The following AKAP13 variants were observed in gnomAD, a reference collection of about 807,000 sequenced individuals.
The protein encoded by AKAP13 is A-kinase anchoring protein 13.
A neutral mutation model predicts 264.5 loss-of-function variants in AKAP13; 80 were observed. The ratio of observed to expected loss-of-function variants is 0.30; its 90% confidence interval spans 0.25 to 0.36. AKAP13 has a LOEUF of 0.36. Ranked by LOEUF, AKAP13 falls within the 10% of genes least tolerant of loss-of-function variation. The pLI, the probability that AKAP13 is intolerant of heterozygous loss-of-function variation, is 1.00. For synonymous variants in AKAP13, 1,380 were observed against 1,250.2 expected (o/e 1.10, Z -2.19); for missense variants, 3,712 against 3,435.2 (o/e 1.08, Z -2.01).
At chr15:85,630,040 T>C (rs1425048664) in intron 8 of AKAP13, among the ~76,000 whole-genome samples, 6 of 151,858 alleles carry the variant, frequency 4.0e-5, no homozygotes, top group Admixed American at 3.9e-4. Context: ...GTAACTTCTT[T>C]TTGTTTTGTA....
At chr15:85,411,679 C>A (rs890844514) in intron 1 of AKAP13, among the ~76,000 whole-genome samples, 1 of 152,146 alleles carries the variant, frequency 6.6e-6, no homozygotes, top group Non-Finnish European at 1.5e-5. Context: ...CCTCGTGATC[C>A]GCCTGCCTCG....
chr15:85,692,790 T>A (rs1171954521), intron 16 of AKAP13, among the ~76,000 whole-genome samples: 1 of 152,236 alleles, frequency 6.6e-6, no homozygotes, highest in Non-Finnish European at 1.5e-5. Flanking sequence ...ATGCAATTGA[T>A]GTGAGAAAGA....
chr15:85,494,237 A>C (rs915789655), intron 2 of AKAP13, among the ~76,000 whole-genome samples: 1 of 152,156 alleles, frequency 6.6e-6, no homozygotes, highest in Non-Finnish European at 1.5e-5. Flanking sequence ...GGATCTAGCA[A>C]CCTAGCAACT....
chr15:85,738,174 G>C (rs1203771462), intron 33 of AKAP13, among the ~76,000 whole-genome samples: 1 of 151,902 alleles, frequency 6.6e-6, no homozygotes, highest in Non-Finnish European at 1.5e-5. Context: ...GAGGTGGGTG[G>C]ATCACTTGAG....
At chr15:85,418,621 T>C (rs1378591631) in intron 1 of AKAP13, among the ~76,000 whole-genome samples, 1 of 152,254 alleles carries the variant, frequency 6.6e-6, no homozygotes, top group Non-Finnish European at 1.5e-5. Context: ...CATATAATTA[T>C]AGCCACTAGT....
chr15:85,732,548 G>A (rs982162802), intron 30 of AKAP13, among the ~76,000 whole-genome samples: 18 of 149,742 alleles, frequency 1.2e-4, no homozygotes, highest in Admixed American at 2.7e-4. Flanking sequence ...TTACACTTTC[G>A]AATTCACATT....
chr15:85,684,553 C>G, intron 15 of AKAP13, 188 bp from the exon 16 acceptor site: 1 of 578,966 alleles, frequency 1.7e-6, no homozygotes, highest in African/African-American at 1.9e-5. Flanking sequence ...CCAAAACAGA[C>G]AAGTGAACAA....
At chr15:85,711,521 C>T (rs1334614840) in intron 19 of AKAP13, among the ~76,000 whole-genome samples, 1 of 151,932 alleles carries the variant, frequency 6.6e-6, no homozygotes, top group Non-Finnish European at 1.5e-5. Flanking sequence ...TTTTTTCACT[C>T]AATATTGTTT....
At chr15:85,460,216 TCA>T (rs946542833) in intron 1 of AKAP13, among the ~76,000 whole-genome samples, 4 of 152,144 alleles carry the variant, frequency 2.6e-5, no homozygotes. Flanking sequence ...CCTGCTCCTA[TCA>T]CACACACACT....
chr15:85,614,166 A>G (rs2080835948), intron 8 of AKAP13, among the ~76,000 whole-genome samples: 2 of 152,210 alleles, frequency 1.3e-5, no homozygotes, highest in South Asian at 4.1e-4. Context: ...CAAGAAGTAC[A>G]CTAACTAGAG....
At chr15:85,611,170 T>C (rs1381792571) in intron 8 of AKAP13, among the ~76,000 whole-genome samples, 1 of 152,226 alleles carries the variant, frequency 6.6e-6, no homozygotes, top group African/African-American at 2.4e-5. Context: ...TACTATCCTT[T>C]CTTTGAAATA....
chr15:85,563,239 A>G (rs16941528), intron 5 of AKAP13, among the ~76,000 whole-genome samples: 7,837 of 151,028 alleles, frequency 0.052, 335 homozygotes, highest in Admixed American at 0.16. Context: ...GTTGGTGTCA[A>G]TTTTGTGAAC....
At chr15:85,648,300 A>T (rs2082649948) in intron 10 of AKAP13, among the ~76,000 whole-genome samples, 1 of 152,210 alleles carries the variant, frequency 6.6e-6, no homozygotes, top group Non-Finnish European at 1.5e-5. Flanking sequence ...TTAAAAATGG[A>T]AGTGTCTTTG....
At chr15:85,669,627 A>G (rs2083806915) in intron 13 of AKAP13, 95 bp from the exon 14 acceptor site, 3 of 917,406 alleles carry the variant, frequency 3.3e-6, no homozygotes, top group Admixed American at 2.0e-5. Flanking sequence ...TCACTGCCTT[A>G]TTTTACTATG....
rs1341355851 is a variant in AKAP13 at position 85,581,166 on chromosome 15, T to C, written c.3098T>C (p.Leu1033Ser). 8.1e-6 allele frequency: 13 copies of C among 1,613,970 alleles called. No individual in the cohort carries two copies. Among genetic ancestry groups the C allele is most frequent in the Admixed American group, 1.7e-5 (1 of 59,996 alleles). ...SLATESRQEA[L>S]GAEHNSSALL... Reference sequence around the variant, plus strand: ...GCCACAGAGTCAAGGCAGGAAGCCTTGGGGGCAGAGCACAACAGCTCCGCT... The same window carrying C: ...GCCACAGAGTCAAGGCAGGAAGCCTCGGGGGCAGAGCACAACAGCTCCGCT... The change falls in exon 7 of 37, where the codon TTG (leucine) becomes TCG (serine). Residue 1033 changes from leucine to serine, a missense_variant. Physicochemically the swap from Leu to Ser is moderately radical, Grantham distance 145. Coordinates refer to ENST00000394518, the MANE Select transcript of AKAP13 (RefSeq NM_007200.5).
chr15:85,523,181 G>A (rs1437387237), intron 3 of AKAP13, among the ~76,000 whole-genome samples: 1 of 152,006 alleles, frequency 6.6e-6, no homozygotes, highest in Non-Finnish European at 1.5e-5. Flanking sequence ...TGTTAACTAA[G>A]CAAAGGAGAT....
intron 1 of AKAP13, among the ~76,000 whole-genome samples, chr15:85,393,423 G>A (rs2070961373): frequency 6.6e-6 from 1 of 152,218 alleles, no homozygotes; most frequent in African/African-American, 2.4e-5. Context: ...GCATGCATGG[G>A]TCAGTGGGCA....
In AKAP13 at chr15:85,721,973, G is replaced by C; in HGVS notation, c.6253-18G>C. 1 of 1,613,468 alleles carries C rather than the reference G, an allele frequency of 6.2e-7. No individual in the cohort carries two copies. Among genetic ancestry groups the C allele is most frequent in the Non-Finnish European group, 8.5e-7 (1 of 1,179,712 alleles). On this transcript the variant is annotated intron_variant, in intron 23 of 36. Transcript: ENST00000394518. Reference sequence around the variant, plus strand: ...TTTGGCGCCCCATGGCATAACTTCTGTTCTCTTTTCTCTGCAGTTTTCAGG... The same window carrying C: ...TTTGGCGCCCCATGGCATAACTTCTCTTCTCTTTTCTCTGCAGTTTTCAGG...
chr15:85,553,725 A>G (rs932304267), intron 5 of AKAP13, among the ~76,000 whole-genome samples: 3 of 152,188 alleles, frequency 2.0e-5, no homozygotes, highest in African/African-American at 7.2e-5. Flanking sequence ...TGGTCCATGG[A>G]CTGTTAGGAC....
Sources: allele counts gnomAD v4.1 joint callset (sites outside exome capture counted in the v4.1 genomes callset), GRCh38; gene constraint gnomAD v4.1.1; transcripts MANE v1.5; gene names NCBI Gene and HGNC (gene_info 2026-07-23, HGNC 2026-07-21).